ADCK1: variants seen among roughly 807,000 people sequenced by gnomAD.
ADCK1 encodes aarF domain containing kinase 1.
A neutral mutation model predicts 52.3 loss-of-function variants in ADCK1; 41 were observed. That is an observed-to-expected ratio of 0.78 (90% CI 0.61 to 1.02). ADCK1 has a LOEUF of 1.02. ADCK1 is among the 50% of genes least tolerant of loss of function. The pLI is 0.00. For synonymous variants in ADCK1, 250 were observed against 274.6 expected, an observed-to-expected ratio of 0.91 and a Z score of 0.89; for missense variants, 658 against 679.5, an observed-to-expected ratio of 0.97 and a Z score of 0.35.
rs747397229 is a variant in ADCK1, at chr14:77,906,929, T to G, written c.742-874T>G. 7.2e-5 allele frequency among the ~76,000 whole-genome samples: 11 copies of G among 152,296 alleles called. No individual in the cohort carries two copies. The South Asian group carries it at 1.0e-3, about 14-fold the overall frequency. On this transcript the variant is annotated intron_variant, in intron 6 of 10. Transcript: ENST00000238561. ...GAAAGTATTTAGGTTTTTTATTTGT[T>G]TGTTTGTTTTCAGACAGGATCTTGC...
intron 5 of ADCK1, among the ~76,000 whole-genome samples, chr14:77,894,967 G>T (rs1398418875): frequency 1.3e-5 from 2 of 151,956 alleles, no homozygotes; most frequent in African/African-American, 4.8e-5. Flanking sequence ...TGGCCAGGCT[G>T]GTCTTGAACT....
intron 3 of ADCK1, among the ~76,000 whole-genome samples, chr14:77,839,235 C>T (rs898145731): frequency 1.3e-5 from 2 of 152,142 alleles, no homozygotes; most frequent in African/African-American, 2.4e-5. Context: ...AAGTGAAGGG[C>T]TGCGGGGAGA....
At chr14:77,841,688 AAAAAAAAATT>A (rs1311951586) in intron 3 of ADCK1, among the ~76,000 whole-genome samples, 5 of 136,176 alleles carry the variant, frequency 3.7e-5, no homozygotes, top group African/African-American at 1.2e-4. Context: ...AAAAAAAAAA[AAAAAAAAATT>A]AGCCAGGCGT....
chr14:77,852,742 A>G (rs1344243889), intron 3 of ADCK1, among the ~76,000 whole-genome samples: 1 of 132,998 alleles, frequency 7.5e-6, no homozygotes, highest in Non-Finnish European at 1.6e-5. Context: ...GACTTCAACT[A>G]CATATTTACT....
chr14:77,906,321 C>T (rs763331784), intron 6 of ADCK1, among the ~76,000 whole-genome samples: 2 of 152,192 alleles, frequency 1.3e-5, no homozygotes, highest in Non-Finnish European at 2.9e-5. Flanking sequence ...AAACTCCTCA[C>T]AATTTGGGGG....
chr14:77,865,743 CT>C (rs1169266647), intron 4 of ADCK1, among the ~76,000 whole-genome samples: 3 of 152,214 alleles, frequency 2.0e-5, no homozygotes, highest in Non-Finnish European at 4.4e-5. Flanking sequence ...GTTACTTAAC[CT>C]CTCTGTCCTG....
chr14:77,869,223 G>A (rs562916961), intron 4 of ADCK1, among the ~76,000 whole-genome samples: 1 of 152,328 alleles, frequency 6.6e-6, no homozygotes, highest in African/African-American at 2.4e-5. Context: ...TTGTCTCACA[G>A]TTCTGGAGGC....
intron 6 of ADCK1, among the ~76,000 whole-genome samples, chr14:77,906,858 AGTCAGAACTAT>A (rs1363922181): frequency 6.6e-6 from 1 of 152,152 alleles, no homozygotes; most frequent in Non-Finnish European, 1.5e-5. Flanking sequence ...TTTGTTCATA[AGTCAGAACTAT>A]GTCACATGGC....
chr14:77,916,012 T>C (rs997593083), intron 7 of ADCK1, among the ~76,000 whole-genome samples: 16 of 152,284 alleles, frequency 1.1e-4, no homozygotes, highest in Admixed American at 6.5e-4. Flanking sequence ...CCTTGGAATT[T>C]TGTGGTGTCA....
At chr14:77,841,674 C>CAAA (rs71128696) in intron 3 of ADCK1, among the ~76,000 whole-genome samples, 1 of 74,270 alleles carries the variant, frequency 1.3e-5, no homozygotes, top group Non-Finnish European at 2.4e-5. Context: ...ACTAAAAATA[C>CAAA]AAAAAAAAAA....
At chr14:77,901,564 A>G (rs943727088) in intron 6 of ADCK1, among the ~76,000 whole-genome samples, 2 of 149,862 alleles carry the variant, frequency 1.3e-5, no homozygotes, top group African/African-American at 4.9e-5. Flanking sequence ...TAATTTTTGT[A>G]TTTTTAGTAG....
At chr14:77,850,877 G>A (rs1161056973) in intron 3 of ADCK1, among the ~76,000 whole-genome samples, 3 of 151,150 alleles carry the variant, frequency 2.0e-5, no homozygotes, top group East Asian at 2.0e-4. Context: ...GGATGGTCTC[G>A]ATCTCCTGAC....
At chr14:77,812,949 C>G (rs1350856160) in intron 1 of ADCK1, among the ~76,000 whole-genome samples, 1 of 152,030 alleles carries the variant, frequency 6.6e-6, no homozygotes, top group Non-Finnish European at 1.5e-5. Flanking sequence ...GAACTGATCC[C>G]AGGAGTTGGG....
At chr14:77,837,135 G>A (rs1191351097) in intron 3 of ADCK1, among the ~76,000 whole-genome samples, 1 of 145,328 alleles carries the variant, frequency 6.9e-6, no homozygotes, top group Non-Finnish European at 1.5e-5. Context: ...AATCCAGGAT[G>A]ATCTCATCTT....
At chr14:77,867,601 G>A (rs138955167) in intron 4 of ADCK1, among the ~76,000 whole-genome samples, 4 of 152,268 alleles carry the variant, frequency 2.6e-5, no homozygotes, top group East Asian at 1.9e-4. Context: ...CAGCACGGAC[G>A]GATGGCCTGC....
chr14:77,889,950 T>C (rs1595029582), intron 5 of ADCK1, among the ~76,000 whole-genome samples: 1 of 146,956 alleles, frequency 6.8e-6, no homozygotes, highest in Non-Finnish European at 1.5e-5. Context: ...GTGCAAAACA[T>C]TGGGGGGTGA....
chr14:77,926,425 C>T (rs2084195338), intron 9 of ADCK1, among the ~76,000 whole-genome samples: 2 of 152,246 alleles, frequency 1.3e-5, no homozygotes, highest in Non-Finnish European at 2.9e-5. Flanking sequence ...GAGCCCTTCA[C>T]TTCTCAGGTG....
chr14:77,866,649 A>C (rs2140155321), intron 4 of ADCK1, among the ~76,000 whole-genome samples: 1 of 152,272 alleles, frequency 6.6e-6, no homozygotes, highest in African/African-American at 2.4e-5. Flanking sequence ...AGGAGGTGGA[A>C]GTCTGGCCAG....
intron 4 of ADCK1, among the ~76,000 whole-genome samples, chr14:77,867,479 C>A (rs984950609): frequency 6.6e-6 from 1 of 152,138 alleles, no homozygotes; most frequent in Non-Finnish European, 1.5e-5. Context: ...AAACCCATTT[C>A]CCCCCCAATA....
Sources: gnomAD v4.1 joint callset for allele counts (sites outside exome capture counted in the v4.1 genomes callset) on GRCh38, gnomAD v4.1.1 for gene constraint, MANE v1.5 for transcripts, NCBI Gene and HGNC (gene_info 2026-07-23, HGNC 2026-07-21) for gene names.